OPHN1: variants seen among roughly 807,000 people sequenced by gnomAD.
The protein encoded by OPHN1 is oligophrenin-1.
OPHN1 carries 11 observed loss-of-function variants against 60.7 expected under a neutral mutation model. The ratio of observed to expected loss-of-function variants is 0.18; its 90% CI spans 0.11 to 0.30. The LOEUF (loss-of-function observed/expected upper bound fraction) is 0.30. OPHN1 is among the 10% of genes least tolerant of loss of function. The pLI, the probability that OPHN1 is intolerant of heterozygous loss-of-function variation, is 1.00. For synonymous variants in OPHN1, 226 were observed against 222.6 expected, an observed-to-expected ratio of 1.02 and a Z score of -0.14; for missense variants, 449 against 611.0, an observed-to-expected ratio of 0.73 and a Z score of 2.80.
chrX:68,228,220 TC>T (rs1187589226), intron 6 of OPHN1, among the ~76,000 whole-genome samples: 1 of 111,665 alleles, frequency 9.0e-6, no homozygotes, highest in Non-Finnish European at 1.9e-5. Flanking sequence ...AGAAGTTGAA[TC>T]CCTGAATAGA....
intron 2 of OPHN1, among the ~76,000 whole-genome samples, chrX:68,317,403 G>A (rs1222927369): frequency 1.1e-4 from 10 of 90,136 alleles, no homozygotes; most frequent in Admixed American, 4.0e-4. Flanking sequence ...AAGGAAGGAA[G>A]GAAGGAAGGA....
chrX:68,057,805 A>C (rs508118), intron 21 of OPHN1, among the ~76,000 whole-genome samples: 49,641 of 109,804 alleles, frequency 0.45, 9,755 homozygotes, highest in African/African-American at 0.75. Context: ...AGGGGAGAGT[A>C]ATGTAACTGG....
intron 15 of OPHN1, among the ~76,000 whole-genome samples, chrX:68,131,387 TGTATTTTTA>T (rs2077194128): frequency 9.1e-6 from 1 of 109,560 alleles, no homozygotes. Context: ...CACTAATTTT[TGTATTTTTA>T]GTGGAGACGG....
chrX:68,358,018 C>T (rs1392870915), intron 2 of OPHN1, among the ~76,000 whole-genome samples: 1 of 108,858 alleles, frequency 9.2e-6, no homozygotes, highest in Admixed American at 1.0e-4. Flanking sequence ...GGGCCAGGCA[C>T]AGTGGCTCAC....
At chrX:68,172,016 T>C (rs868566903) in intron 15 of OPHN1, among the ~76,000 whole-genome samples, 1 of 111,175 alleles carries the variant, frequency 9.0e-6, no homozygotes, top group Non-Finnish European at 1.9e-5. Context: ...CATGCATTAC[T>C]GGCAGGAATG....
chrX:68,125,176 G>A (rs1018698468), intron 15 of OPHN1, among the ~76,000 whole-genome samples: 10 of 111,248 alleles, frequency 9.0e-5, no homozygotes, highest in Admixed American at 4.8e-4. Context: ...ATACTAAAAC[G>A]TATGGGATAC....
chrX:68,342,639 T>C (rs2078358608), intron 2 of OPHN1, among the ~76,000 whole-genome samples: 1 of 112,038 alleles, frequency 8.9e-6, no homozygotes, highest in African/African-American at 3.2e-5. Flanking sequence ...TTGATTCCAT[T>C]TATATGAAAC....
At chrX:68,187,349 G>A (rs180680412) in intron 15 of OPHN1, among the ~76,000 whole-genome samples, 39 of 111,022 alleles carry the variant, frequency 3.5e-4, no homozygotes, top group African/African-American at 1.2e-3. Flanking sequence ...TGGAATGAAT[G>A]TAATCACAAG....
At chrX:68,125,954 T>TATATATATATATACATATATATATAC (rs1262640434) in intron 15 of OPHN1, among the ~76,000 whole-genome samples, 4 of 55,824 alleles carry the variant, frequency 7.2e-5, no homozygotes, top group Admixed American at 2.5e-4. Flanking sequence ...TATATATATA[T>TATATATATATATACATATATATATAC]ATACATACAC....
intron 2 of OPHN1, among the ~76,000 whole-genome samples, chrX:68,426,312 A>G (rs2147790729): frequency 1.9e-5 from 2 of 107,859 alleles, no homozygotes; most frequent in South Asian, 8.4e-4. Context: ...GTGGTAGCGC[A>G]CGCCTGTAAT....
intron 18 of OPHN1, among the ~76,000 whole-genome samples, chrX:68,108,408 G>T: frequency 8.9e-6 from 1 of 112,072 alleles, no homozygotes; most frequent in African/African-American, 3.2e-5. Context: ...AGTGGATAAA[G>T]TTTTTTCTTC....
At chrX:68,382,424 T>C (rs1052817351) in intron 2 of OPHN1, among the ~76,000 whole-genome samples, 3 of 111,833 alleles carry the variant, frequency 2.7e-5, no homozygotes, top group African/African-American at 9.8e-5. Context: ...GGATTCACCA[T>C]GTACAACCAG....
chrX:68,074,000 G>A (rs1449183662), intron 19 of OPHN1, among the ~76,000 whole-genome samples: 1 of 112,720 alleles, frequency 8.9e-6, no homozygotes, highest in South Asian at 3.7e-4. Flanking sequence ...TGCAGAAGGA[G>A]CTGTGATTAG....
chrX:68,071,998 T>C (rs140008095), intron 20 of OPHN1, among the ~76,000 whole-genome samples: 3,454 of 111,964 alleles, frequency 0.031, 59 homozygotes, highest in Non-Finnish European at 0.051. Flanking sequence ...TAGCATATAA[T>C]GTGCAGGTAG....
intron 2 of OPHN1, among the ~76,000 whole-genome samples, chrX:68,378,687 G>T (rs2078575811): frequency 8.9e-6 from 1 of 111,796 alleles, no homozygotes; most frequent in Admixed American, 9.6e-5. Context: ...TATTAAACAG[G>T]GAATCCTTTC....
At chrX:68,252,423 T>C (rs747565552) in intron 5 of OPHN1, among the ~76,000 whole-genome samples, 19 of 111,977 alleles carry the variant, frequency 1.7e-4, no homozygotes, top group Non-Finnish European at 3.0e-4. Context: ...GCCATACATA[T>C]CATCAGGCAA....
chrX:68,254,031 T>C (rs2077849205), intron 5 of OPHN1, among the ~76,000 whole-genome samples: 1 of 111,720 alleles, frequency 9.0e-6, no homozygotes, highest in Admixed American at 9.5e-5. Context: ...TGGCTTCTAT[T>C]TGTAAACATC....
At chrX:68,419,740 C>T (rs760057055) in intron 2 of OPHN1, among the ~76,000 whole-genome samples, 1 of 110,459 alleles carries the variant, frequency 9.1e-6, no homozygotes, top group African/African-American at 3.3e-5. Context: ...AGGATTTCAC[C>T]ATGTTGGCCA....
intron 5 of OPHN1, among the ~76,000 whole-genome samples, chrX:68,239,484 CA>C (rs2077770094): frequency 9.0e-6 from 1 of 111,560 alleles, no homozygotes; most frequent in African/African-American, 3.3e-5. Context: ...GGCACAGGCC[CA>C]GGGGTGGAGC....
Sources: gnomAD v4.1 joint callset for allele counts (sites outside exome capture counted in the v4.1 genomes callset) on GRCh38, gnomAD v4.1.1 for gene constraint, MANE v1.5 for transcripts, NCBI Gene and HGNC (gene_info 2026-07-23, HGNC 2026-07-21) for gene names.